Variants in GDPD5 observed in about 807,000 individuals in gnomAD.
The protein encoded by GDPD5 is glycerophosphodiester phosphodiesterase domain containing 5.
A neutral mutation model predicts 75.1 loss-of-function variants in GDPD5; 48 were observed. That is an observed-to-expected ratio of 0.64 (90% CI 0.51 to 0.81). The LOEUF is 0.81. Among genes scored for constraint, GDPD5 ranks in the 40% least tolerant of loss-of-function variants. The pLI, the probability that GDPD5 is intolerant of heterozygous loss-of-function variation, is 0.00. For missense variants in GDPD5, 706 were observed against 822.6 expected (o/e 0.86, Z 1.73); for synonymous variants, 336 against 339.0 (o/e 0.99, Z 0.10).
chr11:75,510,488 C>T (rs1401801732), intron 1 of GDPD5, among the ~76,000 whole-genome samples: 2 of 152,184 alleles, frequency 1.3e-5, no homozygotes, highest in Non-Finnish European at 2.9e-5. Context: ...CAAAATCTGC[C>T]CCAGAAACTT....
intron 13 of GDPD5, among the ~76,000 whole-genome samples, 168 bp from the exon 14 acceptor site, chr11:75,441,478 G>A (rs1455725400): frequency 1.3e-5 from 2 of 152,184 alleles, no homozygotes; most frequent in South Asian, 2.1e-4. Context: ...TGCCCGACAC[G>A]CTCACCCTCT....
At chr11:75,510,014 C>T (rs988194170) in intron 1 of GDPD5, among the ~76,000 whole-genome samples, 3 of 152,240 alleles carry the variant, frequency 2.0e-5, no homozygotes, top group African/African-American at 7.2e-5. Flanking sequence ...AGAGCTCCCT[C>T]CCCGTGCTAA....
At chr11:75,449,161 T>C in intron 8 of GDPD5, 39 bp from the exon 9 acceptor site, 1 of 1,543,078 alleles carries the variant, frequency 6.5e-7, no homozygotes, top group Non-Finnish European at 8.7e-7. Context: ...TGGTGAGCCC[T>C]GGGCAGGTTG....
intron 3 of GDPD5, among the ~76,000 whole-genome samples, chr11:75,472,032 C>A (rs1041364020): frequency 3.3e-5 from 5 of 152,172 alleles, no homozygotes; most frequent in African/African-American, 1.2e-4. Context: ...GGAGAGAAAG[C>A]CATCACTTTG....
At chr11:75,453,805 G>A (rs1204062626) in intron 6 of GDPD5, among the ~76,000 whole-genome samples, 3 of 152,118 alleles carry the variant, frequency 2.0e-5, no homozygotes, top group African/African-American at 7.2e-5. Flanking sequence ...TCTCAGTAGA[G>A]AGAGTTGGAA....
rs556812608 is a variant in GDPD5, at chr11:75,465,528, G to A, written c.118-2639C>T. The stretch of plus-strand genomic sequence containing the variant: ...ATGCCTTGAGATCTGGGCAGTTTTC[G>A]TGTTCCAGATGGCACAGGAACTTGA... On this transcript the variant is annotated intron_variant, in intron 3 of 16. Coordinates refer to ENST00000336898, the MANE Select transcript of GDPD5 (RefSeq NM_030792.8). Among the ~76,000 whole-genome samples, 7 of 152,274 alleles carry A rather than the reference G, an allele frequency of 4.6e-5. No individual in the cohort carries two copies. In the South Asian group the frequency reaches 6.2e-4, roughly 14 times the overall value.
chr11:75,484,187 G>A (rs1488584272), intron 2 of GDPD5, among the ~76,000 whole-genome samples: 2 of 152,186 alleles, frequency 1.3e-5, no homozygotes, highest in African/African-American at 4.8e-5. Context: ...GACCCTGTGC[G>A]CCACCATCCA....
chr11:75,492,516 G>GC (rs1387817600), intron 1 of GDPD5: 1 of 152,276 alleles, frequency 6.6e-6, no homozygotes, highest in African/African-American at 2.4e-5. Flanking sequence ...TTGGGACACA[G>GC]CAACATCTAC....
Position 75,442,504 on chromosome 11 carries a change from C to G in GDPD5, c.1026G>C (p.Leu342=). 1 of 1,613,860 alleles carries G rather than the reference C, an allele frequency of 6.2e-7. No homozygotes were observed. The highest frequency in any genetic ancestry group is 1.7e-4 in the Middle Eastern group (1 of 6,060). ...REAQNQSICS[L]AELLELAKGN... The stretch of plus-strand genomic sequence containing the variant: ...CCTTGGCCAGCTCCAGGAGCTCTGC[C>G]AGGCTGCAGATGGACTGGTTCTGGG... The change falls in exon 12 of 17, where the codon CTG becomes CTC. Residue 342 remains leucine, a synonymous_variant. Coordinates refer to ENST00000336898, the MANE Select transcript of GDPD5 (RefSeq NM_030792.8).
chr11:75,455,440 G>T (rs979002529), intron 6 of GDPD5: 46 of 451,324 alleles, frequency 1.0e-4, no homozygotes, highest in Admixed American at 8.1e-4. Flanking sequence ...AGTCTCTGGG[G>T]TCTGACTCCC....
intron 2 of GDPD5, among the ~76,000 whole-genome samples, chr11:75,484,365 A>G (rs1565207295): frequency 6.6e-6 from 1 of 152,210 alleles, no homozygotes; most frequent in Non-Finnish European, 1.5e-5. Flanking sequence ...AGGGGACAAC[A>G]GCCTGGAAAC....
intron 4 of GDPD5, among the ~76,000 whole-genome samples, chr11:75,459,605 G>C (rs1005588658): frequency 6.6e-6 from 1 of 152,174 alleles, no homozygotes; most frequent in East Asian, 1.9e-4. Flanking sequence ...GGCAGATCAC[G>C]AGGTCAGGAG....
intron 13 of GDPD5, 56 bp from the exon 14 acceptor site, chr11:75,441,366 G>A (rs1948796225): frequency 5.0e-6 from 8 of 1,600,624 alleles, no homozygotes; most frequent in Non-Finnish European, 6.8e-6. Flanking sequence ...TCCAGGCCCA[G>A]TGTCGGGGCT....
chr11:75,499,401 T>C (rs71466371), intron 1 of GDPD5, among the ~76,000 whole-genome samples: 99,918 of 144,206 alleles, frequency 0.69, 35,986 homozygotes, highest in Admixed American at 0.79. Flanking sequence ...TTCCTTTTTT[T>C]TTTTTTTTTT....
rs375629110 is a variant in GDPD5 at position 75,464,913 on chromosome 11, C to T, written c.118-2024G>A. On this transcript the variant is annotated intron_variant, in intron 3 of 16. Coordinates refer to ENST00000336898, the MANE Select transcript of GDPD5 (RefSeq NM_030792.8). ...GAGTCCCTAGACTCAGTCCTGCCTCCCATGGAGGCAGTCTGGGTCTGCACA... is the reference window on the plus strand; with the variant it reads ...GAGTCCCTAGACTCAGTCCTGCCTCTCATGGAGGCAGTCTGGGTCTGCACA... 2.6e-5 allele frequency among the ~76,000 whole-genome samples: 4 copies of T among 152,106 alleles called. No individual in the cohort carries two copies. The South Asian group carries it at 6.2e-4, about 24-fold the overall frequency.
intron 12 of GDPD5, 82 bp from the exon 13 acceptor site, chr11:75,441,885 G>T (rs1205326225): frequency 2.2e-6 from 3 of 1,386,778 alleles, no homozygotes; most frequent in Admixed American, 2.2e-5. Context: ...GCACCTGTGG[G>T]GTTAAGAGAC....
At chr11:75,480,642 G>A (rs1391469089) in intron 2 of GDPD5, among the ~76,000 whole-genome samples, 4 of 152,156 alleles carry the variant, frequency 2.6e-5, no homozygotes, top group South Asian at 4.1e-4. Flanking sequence ...AGCACAGAGA[G>A]GTTGACCCAC....
intron 16 of GDPD5, 107 bp from the exon 17 acceptor site, chr11:75,435,762 C>G: frequency 2.7e-6 from 3 of 1,128,962 alleles, no homozygotes; most frequent in Non-Finnish European, 3.7e-6. Context: ...CACTTGGAGG[C>G]TGATGAAACC....
At chr11:75,519,050 G>A (rs879743154) in intron 1 of GDPD5, among the ~76,000 whole-genome samples, 1 of 152,164 alleles carries the variant, frequency 6.6e-6, no homozygotes, top group Non-Finnish European at 1.5e-5. Context: ...AGCTGAGCCT[G>A]TCAGACCAGC....
Sources: gnomAD v4.1 joint callset for allele counts (sites outside exome capture counted in the v4.1 genomes callset) on GRCh38, gnomAD v4.1.1 for gene constraint, MANE v1.5 for transcripts, NCBI Gene and HGNC (gene_info 2026-07-23, HGNC 2026-07-21) for gene names.